The following ZDHHC1 variants were observed in gnomAD, a reference collection of about 807,000 sequenced individuals.
ZDHHC1 encodes zDHHC palmitoyltransferase 1.
Under a neutral mutation model 46.9 loss-of-function variants are expected in ZDHHC1, and 45 were observed. The ratio of observed to expected loss-of-function variants is 0.96; its 90% CI spans 0.76 to 1.23. The LOEUF (loss-of-function observed/expected upper bound fraction) is 1.23. Among genes scored for constraint, ZDHHC1 ranks in the 50% most tolerant of loss-of-function variants. The probability of loss-of-function intolerance (pLI) is 0.00; values close to 1 mark genes in which losing one functional copy is unlikely to be tolerated. For missense variants in ZDHHC1, 649 were observed against 670.8 expected (o/e 0.97, Z 0.36); for synonymous variants, 291 against 286.0 (o/e 1.02, Z -0.18).
At chr16:67,402,498 C>G (rs370392799) in intron 3 of ZDHHC1, among the ~76,000 whole-genome samples, 7 of 152,336 alleles carry the variant, frequency 4.6e-5, no homozygotes, top group East Asian at 3.8e-4. Flanking sequence ...TCCAACTCTT[C>G]TCCCGCCTCA....
At chr16:67,399,599 G>GCGCC in intron 4 of ZDHHC1, 143 bp from the exon 5 acceptor site, 1 of 629,544 alleles carries the variant, frequency 1.6e-6, no homozygotes, top group Non-Finnish European at 2.6e-6. Context: ...AGGAGCGCGC[G>GCGCC]CGCCCTCTGC....
chr16:67,398,100 C>A, intron 8 of ZDHHC1, 112 bp downstream of exon 8: 1 of 1,049,130 alleles, frequency 9.5e-7, no homozygotes, highest in Non-Finnish European at 1.4e-6. Context: ...CCCTGCTGCC[C>A]CCAGCGGCTG....
intron 2 of ZDHHC1, among the ~76,000 whole-genome samples, chr16:67,407,493 T>C (rs948630626): frequency 3.3e-5 from 5 of 152,322 alleles, no homozygotes; most frequent in African/African-American, 1.2e-4. Flanking sequence ...TCTTCCTGGA[T>C]CACCTTTCTC....
rs1056485450 is a variant in ZDHHC1 at position 67,398,668 on chromosome 16, G to T, written c.719C>A (p.Ala240Asp). The change falls in exon 7 of 12, where the codon GCC becomes GAC. Residue 240 changes from alanine (A) to aspartate (D), a missense_variant. Coordinates refer to ENST00000565726, the MANE Select transcript of ZDHHC1 (RefSeq NM_001323627.2). ...GGCGGCCAGGGCCAGGATGGCAGGG[G>T]CCTGGGTCTCCACGGGGGCGGCAGG... is the stretch of plus-strand genomic sequence containing the variant. ...FLPAAPVETQ[A>D]PAILALAALL... 2.2e-5 allele frequency: 35 copies of T among 1,607,804 alleles called. No homozygotes were observed. In the East Asian group the frequency reaches 7.8e-4, roughly 36 times the overall value.
At position 67,406,589 on chromosome 16, in the gene ZDHHC1, G is replaced by C. The variant is rs2142251747; in HGVS notation, c.10-147C>G. ...GAAACTGGGGTCCTAGCACAATAGA[G>C]ATGGGCAGTGGGGAGAGGGTGGGAG... is the stretch of plus-strand genomic sequence containing the variant. On this transcript the variant is annotated intron_variant, in intron 2 of 11. Transcript: ENST00000565726. The surrounding 1 kb of genome is among the most constrained non-coding windows in gnomAD (Gnocchi z 4.1). The C allele has an allele frequency of 9.4e-7, 1 of 1,063,492 alleles. No homozygotes were observed. Among genetic ancestry groups the C allele is most frequent in the Non-Finnish European group, 1.3e-6 (1 of 769,930 alleles). 65.9% of individuals were successfully genotyped at this position (1,063,492 alleles called of 1,614,324 possible).
rs1231559056 is a variant in ZDHHC1 at position 67,406,463 on chromosome 16, G to A, written c.10-21C>T. ...TTCATCTCCAGAGGGAGAAACAGTAGAGAGAGCATTAGCCCAAGAAGCTGG... is the reference window on the plus strand; with the variant it reads ...TTCATCTCCAGAGGGAGAAACAGTAAAGAGAGCATTAGCCCAAGAAGCTGG... On this transcript the variant is annotated intron_variant, in intron 2 of 11. Transcript: ENST00000565726. The surrounding 1 kb of genome is among the most constrained non-coding windows in gnomAD (Gnocchi z 4.1). The A allele has an allele frequency of 3.4e-6, 5 of 1,491,048 alleles. No homozygotes were observed. The highest frequency in any genetic ancestry group is 4.5e-6 in the Non-Finnish European group (5 of 1,118,018). The allele number at this position is 1,491,048 out of a possible 1,614,324, so 92.4% of individuals were successfully genotyped here.
chr16:67,399,879 CCT>C (rs779585745), intron 4 of ZDHHC1, among the ~76,000 whole-genome samples: 37 of 152,174 alleles, frequency 2.4e-4, no homozygotes, highest in African/African-American at 3.6e-4. Flanking sequence ...GCAGTGGGCC[CCT>C]GTTTCCCTGC....
At chr16:67,395,626 GC>G (rs2040416238) in intron 8 of ZDHHC1, 60 bp from the exon 9 acceptor site, 1 of 1,502,012 alleles carries the variant, frequency 6.7e-7, no homozygotes, top group Non-Finnish European at 9.1e-7. Flanking sequence ...AGCCTGCTGA[GC>G]CCTAAGCCCA....
chr16:67,398,996 G>A (rs1230415833), intron 5 of ZDHHC1, 52 bp from the exon 6 acceptor site: 2 of 1,591,940 alleles, frequency 1.3e-6, no homozygotes, highest in East Asian at 2.3e-5. Context: ...AGCCTCAGAA[G>A]GCCCATAGGA....
At chr16:67,402,919 C>T (rs1280996698) in intron 3 of ZDHHC1, among the ~76,000 whole-genome samples, 3 of 152,250 alleles carry the variant, frequency 2.0e-5, no homozygotes, top group African/African-American at 7.2e-5. Context: ...TGAGCCACCA[C>T]TCCTGCCCAA....
At position 67,394,905 on chromosome 16, in the gene ZDHHC1, A is replaced by G; in HGVS notation, c.1166-12T>C. 1 of 1,567,640 alleles carries G rather than the reference A, an allele frequency of 6.4e-7. No homozygotes were observed. Among genetic ancestry groups the G allele is most frequent in the South Asian group, 1.2e-5 (1 of 86,066 alleles). Reference sequence around the variant, plus strand: ...GGGGGCCCTAGGCCCTGCGCAAGGGAAGGGAACATGAGCCCAGTGGCTGCG... The same window carrying G: ...GGGGGCCCTAGGCCCTGCGCAAGGGGAGGGAACATGAGCCCAGTGGCTGCG... On this transcript the variant is annotated splice_polypyrimidine_tract_variant and intron_variant, in intron 11 of 11. Transcript: ENST00000565726.
chr16:67,394,865 G>C lies in ZDHHC1; in HGVS notation c.1194C>G (p.Ser398Arg). 1 of 1,567,756 alleles carries C rather than the reference G, an allele frequency of 6.4e-7. No individual in the cohort carries two copies. The highest frequency in any genetic ancestry group is 8.6e-7 in the Non-Finnish European group (1 of 1,159,164). ...TGGCGTCCGCGGAATCCGTCGACGA[G>C]CTGGAGCGGCGGCTGGGGGCCCTAG... ...SGPRAPSRRSSSSTDSADASP... is the reference protein window; with the variant it reads ...SGPRAPSRRSRSSTDSADASP... Residue 398 changes from serine to arginine, a missense_variant, in exon 12 of 12, where the codon AGC becomes AGG. Transcript: ENST00000565726.
chr16:67,407,885 T>C (rs1016777129), intron 1 of ZDHHC1, 72 bp from the exon 2 acceptor site: 23 of 722,604 alleles, frequency 3.2e-5, no homozygotes, highest in Non-Finnish European at 4.2e-5. Flanking sequence ...TCTGGCCTGC[T>C]TTCTCCTGCC....
intron 1 of ZDHHC1, among the ~76,000 whole-genome samples, chr16:67,411,165 A>G (rs1353193418): frequency 6.6e-6 from 1 of 152,210 alleles, no homozygotes; most frequent in East Asian, 1.9e-4. Flanking sequence ...ACCAAGGTGA[A>G]AAGTACCAGC....
At chr16:67,407,735 A>G (rs755645247) in intron 2 of ZDHHC1, 32 bp downstream of exon 2, 2 of 780,972 alleles carry the variant, frequency 2.6e-6, no homozygotes, top group East Asian at 2.4e-5. Context: ...TCTGTCCCCT[A>G]TGTCCCTTCC....
At chr16:67,407,128 C>G (rs576154709) in intron 2 of ZDHHC1, among the ~76,000 whole-genome samples, 1 of 152,322 alleles carries the variant, frequency 6.6e-6, no homozygotes, top group African/African-American at 2.4e-5. Flanking sequence ...CAGTTTTGTA[C>G]AGAAAGGTGG....
chr16:67,415,515 C>T (rs2040819436), intron 1 of ZDHHC1, among the ~76,000 whole-genome samples: 1 of 151,798 alleles, frequency 6.6e-6, no homozygotes, highest in East Asian at 1.9e-4. Flanking sequence ...CCAACGCTTT[C>T]GGAGGCCGAG....
chr16:67,394,995 C>G lies in ZDHHC1; in HGVS notation c.1165+7G>C, dbSNP rs770801963. 6.2e-7 allele frequency: 1 copy of G among 1,606,608 alleles called. No homozygotes were observed. The highest frequency in any genetic ancestry group is 8.5e-7 in the Non-Finnish European group (1 of 1,176,772). ...AGAGCAGGACCCGGACAGGGAGAGG[C>G]GCTCACCCGACGCCGGATCCGAGGT... On this transcript the variant is annotated splice_region_variant and intron_variant, in intron 11 of 11. Coordinates refer to ENST00000565726, the MANE Select transcript of ZDHHC1 (RefSeq NM_001323627.2).
Position 67,406,159 on chromosome 16 carries a change from C to T in ZDHHC1, c.252+41G>A, listed in dbSNP as rs759996137. On this transcript the variant is annotated intron_variant, in intron 3 of 11. Transcript: ENST00000565726. The surrounding 1 kb of genome is among the most constrained non-coding windows in gnomAD (Gnocchi z 4.1). ...CCGCTGTGCCAGCCATCCTTTGCCT[C>T]CCCACTTCCACACACCAGCCCTACG... The T allele has an allele frequency of 6.3e-7, 1 of 1,591,904 alleles. No individual in the cohort carries two copies. The highest frequency in any genetic ancestry group is 8.6e-7 in the Non-Finnish European group (1 of 1,166,320).
Sources: allele counts gnomAD v4.1 joint callset (sites outside exome capture counted in the v4.1 genomes callset), GRCh38; gene constraint gnomAD v4.1.1; non-coding constraint Gnocchi (gnomAD v3.1); transcripts MANE v1.5; gene names NCBI Gene and HGNC (gene_info 2026-07-23, HGNC 2026-07-21).